The following LRRC53 variants were observed in gnomAD, a reference collection of about 807,000 sequenced individuals.
LRRC53 encodes the protein leucine rich repeat containing 53.
A neutral mutation model predicts 13.6 loss-of-function variants in LRRC53; 25 were observed. The ratio of observed to expected loss-of-function variants is 1.83; its 90% CI spans 1.34 to 2.56. The LOEUF (loss-of-function observed/expected upper bound fraction) is 2.56. Ranked by LOEUF, LRRC53 falls within the 30% of genes most tolerant of loss-of-function variation. The pLI, the probability that LRRC53 is intolerant of heterozygous loss-of-function variation, is 0.00. For synonymous variants in LRRC53, 204 were observed against 109.8 expected, an observed-to-expected ratio of 1.86 and a Z score of -5.37; for missense variants, 527 against 275.8, an observed-to-expected ratio of 1.91 and a Z score of -6.45.
At chr1:74,491,896 G>A (rs942803550) in intron 1 of LRRC53, among the ~76,000 whole-genome samples, 6 of 152,138 alleles carry the variant, frequency 3.9e-5, no homozygotes, top group Non-Finnish European at 5.9e-5. Context: ...TCTCAGCACA[G>A]AACTGGGTCA....
Position 74,510,898 on chromosome 1 carries a change from C to T in LRRC53, c.-27+1628G>A, listed in dbSNP as rs576968136. 5.3e-5 allele frequency among the ~76,000 whole-genome samples: 8 copies of T among 152,104 alleles called. No homozygotes were observed. In the South Asian group the frequency reaches 1.7e-3, roughly 32 times the overall value. ...TTAGCAAACTGAATATGCTTTTTTT[C>T]TTTTTTGAGACGAAGTCTCACTCTT... On this transcript the variant is annotated intron_variant, in intron 1 of 4. Transcript: ENST00000294635.
the LRRC53 span, among the ~76,000 whole-genome samples, chr1:74,517,849 G>A: frequency 4.1e-4 from 63 of 152,180 alleles, no homozygotes; most frequent in African/African-American, 1.4e-3. Context: ...CACTACCAGA[G>A]TTTCTGATTC....
chr1:74,492,371 A>T lies in LRRC53; in HGVS notation c.-26-8996T>A, dbSNP rs572251309. ...ATTAACAGGGTTTGATTACCCCCTG[A>T]AAAACTTTGAAAGAGGAGTTTTCAG... On this transcript the variant is annotated intron_variant, in intron 1 of 4. Coordinates refer to ENST00000294635, the MANE Select transcript of LRRC53 (RefSeq NM_001382280.1). 3.8e-6 allele frequency: 5 copies of T among 1,304,722 alleles called. No homozygotes were observed. The African/African-American group carries it at 6.0e-5, about 16-fold the overall frequency. The allele number at this position is 1,304,722 out of a possible 1,614,324, so 80.8% of individuals were successfully genotyped here. A position where few individuals can be genotyped will look rare whatever the true frequency, so the allele number is the denominator to read the frequency against.
upstream of LRRC53, among the ~76,000 whole-genome samples, chr1:74,514,824 C>A (rs1351183404): frequency 6.6e-6 from 1 of 152,088 alleles, no homozygotes; most frequent in Non-Finnish European, 1.5e-5. Flanking sequence ...AAGTCTCAGA[C>A]CCTGGTACCT....
chr1:74,497,950 A>C (rs1669417497), intron 1 of LRRC53, among the ~76,000 whole-genome samples: 1 of 152,042 alleles, frequency 6.6e-6, no homozygotes, highest in East Asian at 1.9e-4. Context: ...CTCTTCTCAG[A>C]TGCATCCTAG....
At chr1:74,495,619 T>C (rs1052477518) in intron 1 of LRRC53, among the ~76,000 whole-genome samples, 1 of 152,164 alleles carries the variant, frequency 6.6e-6, no homozygotes, top group African/African-American at 2.4e-5. Context: ...CCTTAGGAAG[T>C]AGGTATTCCA....
chr1:74,490,656 T>C (rs1669022050), intron 1 of LRRC53, among the ~76,000 whole-genome samples: 1 of 152,208 alleles, frequency 6.6e-6, no homozygotes, highest in Admixed American at 6.5e-5. Context: ...AGGCTTGACT[T>C]GCGCAGTTTC....
chr1:74,496,450 A>G (rs1669330224), intron 1 of LRRC53, among the ~76,000 whole-genome samples: 1 of 152,184 alleles, frequency 6.6e-6, no homozygotes. Context: ...GGTTTTTCCT[A>G]TAGTCCCTAC....
At chr1:74,476,685 T>C (rs1668223413) in intron 3 of LRRC53, among the ~76,000 whole-genome samples, 1 of 152,162 alleles carries the variant, frequency 6.6e-6, no homozygotes, top group African/African-American at 2.4e-5. Flanking sequence ...ATGGTGTCAG[T>C]ACAGATTGAA....
intron 2 of LRRC53, among the ~76,000 whole-genome samples, chr1:74,481,909 T>A (rs1268236877): frequency 6.6e-6 from 1 of 151,970 alleles, no homozygotes; most frequent in African/African-American, 2.4e-5. Flanking sequence ...AAATCACAAA[T>A]CCCTTAGGAA....
At chr1:74,507,017 C>G (rs567974788) in intron 1 of LRRC53, among the ~76,000 whole-genome samples, 1 of 152,050 alleles carries the variant, frequency 6.6e-6, no homozygotes, top group Non-Finnish European at 1.5e-5. Flanking sequence ...TGACAAGGTT[C>G]ATTAAACTAA....
At chr1:74,489,456 C>G (rs1356513184) in intron 1 of LRRC53, among the ~76,000 whole-genome samples, 2 of 152,112 alleles carry the variant, frequency 1.3e-5, no homozygotes, top group African/African-American at 4.8e-5. Context: ...AATTCGAGAC[C>G]TTCCAACAAA....
the LRRC53 span, among the ~76,000 whole-genome samples, chr1:74,517,851 T>G: frequency 6.6e-6 from 1 of 152,184 alleles, no homozygotes; most frequent in African/African-American, 2.4e-5. Context: ...CTACCAGAGT[T>G]TCTGATTCAG....
chr1:74,519,595 AATTG>A, the LRRC53 span, among the ~76,000 whole-genome samples: 1 of 152,228 alleles, frequency 6.6e-6, no homozygotes, highest in Non-Finnish European at 1.5e-5. Flanking sequence ...GTAATTTTTG[AATTG>A]ATTTTTAAAC....
intron 1 of LRRC53, among the ~76,000 whole-genome samples, chr1:74,500,327 C>T (rs541297038): frequency 6.6e-6 from 1 of 151,604 alleles, no homozygotes; most frequent in African/African-American, 2.4e-5. Flanking sequence ...TTTTCTTTTC[C>T]ATAAATGCAC....
At chr1:74,514,868 G>T (rs1034010202), upstream of LRRC53, among the ~76,000 whole-genome samples, 1 of 152,162 alleles carries the variant, frequency 6.6e-6, no homozygotes, top group Non-Finnish European at 1.5e-5. Flanking sequence ...CAGGGTTGTT[G>T]CAGATGTGAG....
the LRRC53 span, among the ~76,000 whole-genome samples, chr1:74,526,756 G>A: frequency 1.3e-5 from 2 of 152,160 alleles, no homozygotes; most frequent in Admixed American, 6.5e-5. Flanking sequence ...AGATATCATT[G>A]TTTGGCCCAA....
At chr1:74,529,573 C>T in the LRRC53 span, among the ~76,000 whole-genome samples, 18 of 152,114 alleles carry the variant, frequency 1.2e-4, no homozygotes, top group Admixed American at 9.8e-4. Context: ...ACTTGAATGG[C>T]GTCTGAGAGT....
At chr1:74,521,558 AATTAAATGCTACT>A in the LRRC53 span, among the ~76,000 whole-genome samples, 12 of 152,238 alleles carry the variant, frequency 7.9e-5, no homozygotes, top group Admixed American at 3.3e-4. Context: ...ATGCAGTCAA[AATTAAATGCTACT>A]ATTTCCATAA....
Sources: gnomAD v4.1 joint callset for allele counts (sites outside exome capture counted in the v4.1 genomes callset) on GRCh38, gnomAD v4.1.1 for gene constraint, MANE v1.5 for transcripts, NCBI Gene and HGNC (gene_info 2026-07-23, HGNC 2026-07-21) for gene names.